The following MARCHF2 variants were observed in gnomAD, a reference collection of about 807,000 sequenced individuals.
MARCHF2 encodes the protein E3 ubiquitin-protein ligase MARCHF2.
A neutral mutation model predicts 24.0 loss-of-function variants in MARCHF2; 22 were observed. That is an observed-to-expected ratio of 0.92 (90% CI 0.66 to 1.31). The LOEUF (loss-of-function observed/expected upper bound fraction) is 1.31, where lower values mean the gene tolerates loss of function less well. Ranked by LOEUF, MARCHF2 falls within the 50% of genes most tolerant of loss-of-function variation. The probability of loss-of-function intolerance (pLI) is 0.00; values close to 1 mark genes in which losing one functional copy is unlikely to be tolerated. For missense variants in MARCHF2, 301 were observed against 335.3 expected (o/e 0.90, Z 0.80); for synonymous variants, 154 against 153.0 (o/e 1.01, Z -0.05).
chr19:8,435,579 C>G (rs1190743582), intron 4 of MARCHF2, among the ~76,000 whole-genome samples: 3 of 152,098 alleles, frequency 2.0e-5, no homozygotes, highest in African/African-American at 7.2e-5. Flanking sequence ...CGCCCTGTCT[C>G]TCAGACTGGA....
chr19:8,421,831 C>A lies in MARCHF2; in HGVS notation c.-10C>A, dbSNP rs751699265. Reference sequence around the variant, plus strand: ...CCTCAGGCCCTGAGGATACGGGGCTCCCGGTGGCCATGACGACGGGTGACT... The same window carrying A: ...CCTCAGGCCCTGAGGATACGGGGCTACCGGTGGCCATGACGACGGGTGACT... On this transcript the variant is annotated 5_prime_UTR_variant, in exon 2 of 5. Coordinates refer to ENST00000215555, the MANE Select transcript of MARCHF2 (RefSeq NM_001005415.2). 5 of 1,601,416 alleles carry A rather than the reference C, an allele frequency of 3.1e-6. No homozygotes were observed. The highest frequency in any genetic ancestry group is 4.3e-6 in the Non-Finnish European group (5 of 1,173,468).
chr19:8,416,246 G>A (rs1340557401), intron 1 of MARCHF2, among the ~76,000 whole-genome samples: 3 of 151,278 alleles, frequency 2.0e-5, no homozygotes, highest in Non-Finnish European at 2.9e-5. Context: ...GGAGGCTGAC[G>A]CAGGAGAATC....
chr19:8,421,784 C>T lies in MARCHF2; in HGVS notation c.-52-5C>T. On this transcript the variant is annotated splice_polypyrimidine_tract_variant and splice_region_variant and intron_variant, in intron 1 of 4. Coordinates refer to ENST00000215555, the MANE Select transcript of MARCHF2 (RefSeq NM_001005415.2). ...CCCCTAACCTCCGCACTGGCCTGTT[C>T]CCAGGCTCCTGGAACCATGGGCCTC... The T allele has an allele frequency of 3.3e-6, 5 of 1,518,006 alleles. No homozygotes were observed. The highest frequency in any genetic ancestry group is 3.6e-6 in the Non-Finnish European group (4 of 1,126,360). The allele number at this position is 1,518,006 out of a possible 1,614,324, so 94.0% of individuals were successfully genotyped here.
chr19:8,433,328 A>G (rs1440647686), intron 4 of MARCHF2, among the ~76,000 whole-genome samples: 1 of 151,848 alleles, frequency 6.6e-6, no homozygotes, highest in Non-Finnish European at 1.5e-5. Context: ...ATATCACTTG[A>G]GGTCAGGAGT....
chr19:8,434,081 C>CT (rs750325194), intron 4 of MARCHF2, among the ~76,000 whole-genome samples: 22,608 of 106,092 alleles, frequency 0.21, 2,935 homozygotes, highest in Admixed American at 0.3. Flanking sequence ...ACCAGCATTT[C>CT]TTTTTTTTTT....
intron 1 of MARCHF2, among the ~76,000 whole-genome samples, chr19:8,420,248 T>C (rs2145540523): frequency 6.6e-6 from 1 of 151,286 alleles, no homozygotes; most frequent in African/African-American, 2.4e-5. Context: ...CTTGGGAGGC[T>C]GAGGCAGGAG....
At chr19:8,414,379 T>A (rs903826434) in intron 1 of MARCHF2, among the ~76,000 whole-genome samples, 1 of 151,740 alleles carries the variant, frequency 6.6e-6, no homozygotes, top group Non-Finnish European at 1.5e-5. Flanking sequence ...AAGCGATTCC[T>A]ACCTCACCCT....
In MARCHF2 at chr19:8,430,849, C is replaced by T. The variant is rs146337637; in HGVS notation, c.564C>T (p.Ile188=). The change falls in exon 4 of 5, where the codon ATC becomes ATT. Residue 188 remains isoleucine (I), a synonymous_variant. Transcript: ENST00000215555. This position sits in a 1 kb window ranked among gnomAD's most constrained non-coding sequence, Gnocchi z 4.4. Reference sequence around the variant, plus strand: ...CCCTCACCATCGCCCTCTTCACCATCTATGTCCTCTGGACGCTGGTGAGTG... The same window carrying T: ...CCCTCACCATCGCCCTCTTCACCATTTATGTCCTCTGGACGCTGGTGAGTG... ...LIALTIALFT[I]YVLWTLVSFR... is the part of the protein sequence containing the mutation. 9.2e-4 allele frequency: 1,471 copies of T among 1,607,454 alleles called. 14 individuals carry two copies. The African/African-American group carries it at 0.017, about 18-fold the overall frequency.
rs1361851575 is a variant in MARCHF2 at position 8,430,891 on chromosome 19, A to T, written c.582+24A>T. On this transcript the variant is annotated intron_variant, in intron 4 of 4. Coordinates refer to ENST00000215555, the MANE Select transcript of MARCHF2 (RefSeq NM_001005415.2). This position sits in a 1 kb window ranked among gnomAD's most constrained non-coding sequence, Gnocchi z 4.4. ...TGGTGAGTGGCTGTGGTTGTGCAGC[A>T]CGCGTCTCGAGCTCTGCCGCTGGGA... The T allele has an allele frequency of 6.5e-7, 1 of 1,547,622 alleles. No homozygotes were observed. The highest frequency in any genetic ancestry group is 1.4e-5 in the African/African-American group (1 of 73,682).
chr19:8,427,193 G>A (rs1256935802), intron 3 of MARCHF2, among the ~76,000 whole-genome samples: 2 of 151,916 alleles, frequency 1.3e-5, no homozygotes, highest in South Asian at 2.1e-4. Flanking sequence ...GATGACAGGC[G>A]TGCGCCACCA....
chr19:8,430,832 A>G lies in MARCHF2; in HGVS notation c.547A>G (p.Ile183Val). ...LEAVGLIALT[I>V]ALFTIYVLWT... ...GGCCGTGGGTCTCATTGCCCTCACCATCGCCCTCTTCACCATCTATGTCCT... is the reference window on the plus strand; with the variant it reads ...GGCCGTGGGTCTCATTGCCCTCACCGTCGCCCTCTTCACCATCTATGTCCT... The change falls in exon 4 of 5, where the codon ATC (isoleucine) becomes GTC (valine). Residue 183 changes from isoleucine (I) to valine (V), a missense_variant. Ile to Val is a conservative substitution (Grantham distance 29, BLOSUM62 3). Coordinates refer to ENST00000215555, the MANE Select transcript of MARCHF2 (RefSeq NM_001005415.2). The surrounding 1 kb of genome is among the most constrained non-coding windows in gnomAD (Gnocchi z 4.4). 1 of 1,610,228 alleles carries G rather than the reference A, an allele frequency of 6.2e-7. No individual in the cohort carries two copies. The highest frequency in any genetic ancestry group is 8.5e-7 in the Non-Finnish European group (1 of 1,179,838).
At chr19:8,418,038 ACATGCATGAGT>A (rs1967131100) in intron 1 of MARCHF2, among the ~76,000 whole-genome samples, 1 of 151,762 alleles carries the variant, frequency 6.6e-6, no homozygotes, top group Non-Finnish European at 1.5e-5. Context: ...TGCTGGGATT[ACATGCATGAGT>A]CACCACGCCC....
intron 1 of MARCHF2, among the ~76,000 whole-genome samples, chr19:8,415,951 T>TA (rs1015866568): frequency 1.3e-5 from 2 of 151,996 alleles, no homozygotes; most frequent in African/African-American, 4.8e-5. Flanking sequence ...AGCCTCTAAA[T>TA]ATCTCTGATG....
intron 3 of MARCHF2, among the ~76,000 whole-genome samples, chr19:8,429,470 A>G (rs1967514293): frequency 7.0e-6 from 1 of 143,296 alleles, no homozygotes. Context: ...AATCAAAGAA[A>G]TGAAAGAACT....
At chr19:8,417,748 CTTTTTTTTTTTT>C (rs71175853) in intron 1 of MARCHF2, among the ~76,000 whole-genome samples, 107 of 26,870 alleles carry the variant, frequency 4.0e-3, no homozygotes, top group African/African-American at 0.015. Context: ...AATACCCTGT[CTTTTTTTTTTTT>C]TTTTTTTTTT....
At position 8,430,534 on chromosome 19, in the gene MARCHF2, CA is replaced by C. The variant is rs1050580104; in HGVS notation, c.373-110del. The C allele has an allele frequency of 0.23, 120,019 of 520,684 alleles. 5 individuals are homozygous for C. The highest frequency in any genetic ancestry group is 0.32 in the South Asian group (12,165 of 38,192). The allele number at this position is 520,684 out of a possible 1,614,324, so 32.3% of individuals were successfully genotyped here. On this transcript the variant is annotated intron_variant, in intron 3 of 4. Transcript: ENST00000215555. This position sits in a 1 kb window ranked among gnomAD's most constrained non-coding sequence, Gnocchi z 4.4. ...TGGGCAACAGAGTGAGAATCTGTCTCAAAAAAAAAAAAAAGAAAGAAGGAAA... is the reference window on the plus strand; with the variant it reads ...TGGGCAACAGAGTGAGAATCTGTCTCAAAAAAAAAAAAAGAAAGAAGGAAA...
At chr19:8,428,649 C>CAAAAAAAAAAAAAAAA (rs59542078) in intron 3 of MARCHF2, among the ~76,000 whole-genome samples, 5 of 30,644 alleles carry the variant, frequency 1.6e-4, no homozygotes, top group African/African-American at 2.6e-4. Context: ...GACTCTATCT[C>CAAAAAAAAAAAAAAAA]AAAAAAAAAA....
intron 4 of MARCHF2, among the ~76,000 whole-genome samples, chr19:8,437,649 C>T (rs998380259): frequency 9.2e-5 from 14 of 151,920 alleles, no homozygotes; most frequent in Admixed American, 1.3e-4. Context: ...CCACGCCTGG[C>T]CTCATTCACC....
At chr19:8,437,347 C>CTTTTTTTTTTTTTTT (rs1156296451) in intron 4 of MARCHF2, among the ~76,000 whole-genome samples, 1 of 113,948 alleles carries the variant, frequency 8.8e-6, no homozygotes. Flanking sequence ...ATTCATTCAC[C>CTTTTTTTTTTTTTTT]TATTTTTTTT....
Sources: gnomAD v4.1 joint callset for allele counts (sites outside exome capture counted in the v4.1 genomes callset) on GRCh38, gnomAD v4.1.1 for gene constraint, Gnocchi (gnomAD v3.1) non-coding constraint, MANE v1.5 for transcripts, NCBI Gene and HGNC (gene_info 2026-07-23, HGNC 2026-07-21) for gene names.